Variants in LZTFL1 observed in about 807,000 individuals in gnomAD.
The protein encoded by LZTFL1 is leucine zipper transcription factor-like protein 1.
In LZTFL1, 25 loss-of-function variants were observed where a neutral mutation model predicts 45.9. The observed-to-expected ratio is 0.54, with a 90% CI of 0.40 to 0.76. The LOEUF (loss-of-function observed/expected upper bound fraction) is 0.76, where lower values mean the gene tolerates loss of function less well. Among genes scored for constraint, LZTFL1 ranks in the 30% least tolerant of loss-of-function variants. The pLI is 0.00. For synonymous variants in LZTFL1, 93 were observed against 117.4 expected (o/e 0.79, Z 1.35); for missense variants, 277 against 331.1 (o/e 0.84, Z 1.27).
At chr3:45,844,282 G>T (rs1701183506), upstream of LZTFL1, among the ~76,000 whole-genome samples, 2 of 152,112 alleles carry the variant, frequency 1.3e-5, no homozygotes, top group Admixed American at 1.3e-4. Context: ...GCAAGGTTCT[G>T]TGGCCATGAT....
chr3:45,879,019 T>A (rs1259066781), intron 2 of LZTFL1, among the ~76,000 whole-genome samples: 1 of 152,194 alleles, frequency 6.6e-6, no homozygotes, highest in African/African-American at 2.4e-5. Context: ...CACCAAATGC[T>A]GGTAATGATA....
intron 2 of LZTFL1, among the ~76,000 whole-genome samples, chr3:45,874,538 C>A (rs1466639524): frequency 6.6e-6 from 1 of 152,156 alleles, no homozygotes; most frequent in Non-Finnish European, 1.5e-5. Flanking sequence ...CTCAGAGAGG[C>A]CTTCTCCCAT....
chr3:45,837,918 C>G lies in LZTFL1; in HGVS notation c.128+9G>C. The G allele has an allele frequency of 6.2e-7, 1 of 1,602,362 alleles. No individual in the cohort carries two copies. Among genetic ancestry groups the G allele is most frequent in the Non-Finnish European group, 8.5e-7 (1 of 1,176,366 alleles). On this transcript the variant is annotated intron_variant, in intron 2 of 9. Coordinates refer to ENST00000296135, the MANE Select transcript of LZTFL1 (RefSeq NM_020347.4). ...CCTATTTGGTTTGCTTAGAGTCCTCCTCTGATACCTGCTCTCCTTGAGGTC... is the reference window on the plus strand; with the variant it reads ...CCTATTTGGTTTGCTTAGAGTCCTCGTCTGATACCTGCTCTCCTTGAGGTC...
chr3:45,833,005 A>C, intron 5 of LZTFL1, 45 bp downstream of exon 5: 2 of 1,416,238 alleles, frequency 1.4e-6, no homozygotes, highest in Non-Finnish European at 2.0e-6. Flanking sequence ...AGGCAATGAC[A>C]GGACAGAATG....
intron 2 of LZTFL1, among the ~76,000 whole-genome samples, chr3:45,884,524 C>T (rs1016169864): frequency 6.6e-6 from 1 of 152,138 alleles, no homozygotes; most frequent in African/African-American, 2.4e-5. Context: ...CACGGGGACC[C>T]GTGCAGAGGA....
intron 2 of LZTFL1, among the ~76,000 whole-genome samples, chr3:45,890,316 TTTA>T (rs1702126398): frequency 1.6e-5 from 1 of 61,948 alleles, no homozygotes; most frequent in African/African-American, 9.1e-5. Flanking sequence ...TATATATATA[TTTA>T]TATAAATATA....
intron 2 of LZTFL1, among the ~76,000 whole-genome samples, chr3:45,912,906 G>C (rs1345780131): frequency 1.3e-5 from 2 of 152,160 alleles, no homozygotes; most frequent in Non-Finnish European, 2.9e-5. Flanking sequence ...TCTGACAACA[G>C]GTAACTGATA....
chr3:45,894,965 C>T (rs756105381), intron 2 of LZTFL1: 9 of 1,613,346 alleles, frequency 5.6e-6, no homozygotes, highest in Non-Finnish European at 6.8e-6. Flanking sequence ...GTGAGTACAG[C>T]CGTGCTCCTC....
intron 2 of LZTFL1, chr3:45,895,081 C>T: frequency 2.0e-6 from 2 of 1,014,560 alleles, no homozygotes; most frequent in Non-Finnish European, 3.1e-6. Context: ...AGATCTCTGC[C>T]TGGCAATGCG....
chr3:45,848,892 T>C (rs1701264558), intron 4 of LZTFL1, among the ~76,000 whole-genome samples: 2 of 152,360 alleles, frequency 1.3e-5, no homozygotes, highest in African/African-American at 4.8e-5. Flanking sequence ...CGTGAGTTTT[T>C]TCAAATAGTC....
chr3:45,897,598 T>C (rs1331518558), intron 2 of LZTFL1: 1 of 1,535,822 alleles, frequency 6.5e-7, no homozygotes, highest in Non-Finnish European at 8.7e-7. Flanking sequence ...CTTCCCTCGC[T>C]GGCCCAGGAA....
At chr3:45,873,453 A>G (rs1441401809) in intron 2 of LZTFL1, among the ~76,000 whole-genome samples, 1 of 152,188 alleles carries the variant, frequency 6.6e-6, no homozygotes, top group Non-Finnish European at 1.5e-5. Context: ...TTTACATTAC[A>G]GTTATATTTA....
intron 2 of LZTFL1, among the ~76,000 whole-genome samples, chr3:45,860,059 A>G (rs2125708414): frequency 6.6e-6 from 1 of 152,252 alleles, no homozygotes; most frequent in South Asian, 2.1e-4. Flanking sequence ...ACTTTAAGGG[A>G]GAGAAAAAGA....
At chr3:45,853,143 C>A (rs2125703311) in intron 4 of LZTFL1, among the ~76,000 whole-genome samples, 1 of 152,292 alleles carries the variant, frequency 6.6e-6, no homozygotes, top group Middle Eastern at 3.4e-3. Flanking sequence ...GTTTCATAAC[C>A]CTTTTCATGA....
intron 3 of LZTFL1, among the ~76,000 whole-genome samples, chr3:45,856,227 G>T (rs560229379): frequency 6.6e-6 from 1 of 152,104 alleles, no homozygotes; most frequent in East Asian, 1.9e-4. Flanking sequence ...TCAGAAATAA[G>T]ACTGCACATA....
intron 2 of LZTFL1, among the ~76,000 whole-genome samples, chr3:45,887,058 T>C (rs1702001852): frequency 1.3e-5 from 2 of 152,146 alleles, no homozygotes; most frequent in Admixed American, 6.5e-5. Flanking sequence ...AAGGAAACTA[T>C]GCATCAGGAG....
intron 2 of LZTFL1, among the ~76,000 whole-genome samples, chr3:45,874,867 G>T (rs1333206251): frequency 6.6e-6 from 1 of 152,152 alleles, no homozygotes; most frequent in Non-Finnish European, 1.5e-5. Context: ...TCCAAACCCA[G>T]ACTAGCCAGC....
chr3:45,892,723 G>GA (rs1195389923), intron 2 of LZTFL1, among the ~76,000 whole-genome samples: 1 of 151,866 alleles, frequency 6.6e-6, no homozygotes, highest in African/African-American at 2.4e-5. Flanking sequence ...AAAATAAAAG[G>GA]AAAAAACCCA....
At chr3:45,834,390 C>T (rs1700911589) in intron 3 of LZTFL1, 92 bp from the exon 4 acceptor site, 2 of 790,538 alleles carry the variant, frequency 2.5e-6, no homozygotes, top group Admixed American at 4.7e-5. Flanking sequence ...CAACCCATTA[C>T]ATGCCAGAGA....
Sources: allele counts gnomAD v4.1 joint callset (sites outside exome capture counted in the v4.1 genomes callset), GRCh38; gene constraint gnomAD v4.1.1; transcripts MANE v1.5; gene names NCBI Gene and HGNC (gene_info 2026-07-23, HGNC 2026-07-21).